Variants in CNTNAP2 observed in about 807,000 individuals in gnomAD.
CNTNAP2 encodes contactin associated protein 2.
Under a neutral mutation model 155.2 loss-of-function variants are expected in CNTNAP2, and 98 were observed. The ratio of observed to expected loss-of-function variants is 0.63; its 90% confidence interval spans 0.54 to 0.75. The LOEUF (loss-of-function observed/expected upper bound fraction) is 0.75, where lower values mean the gene tolerates loss of function less well. Ranked by LOEUF, CNTNAP2 falls within the 30% of genes least tolerant of loss-of-function variation. The probability of loss-of-function intolerance (pLI) is 0.00; values close to 1 mark genes in which losing one functional copy is unlikely to be tolerated. For synonymous variants in CNTNAP2, 651 were observed against 631.2 expected, an observed-to-expected ratio of 1.03 and a Z score of -0.47; for missense variants, 1,727 against 1,688.1, an observed-to-expected ratio of 1.02 and a Z score of -0.40.
At chr7:146,620,281 CA>C (rs935560367) in intron 1 of CNTNAP2, among the ~76,000 whole-genome samples, 1 of 152,134 alleles carries the variant, frequency 6.6e-6, no homozygotes, top group African/African-American at 2.4e-5. Context: ...CCAAGACATA[CA>C]ATCTCATCGT....
chr7:147,571,579 A>G (rs1261036300), intron 12 of CNTNAP2, among the ~76,000 whole-genome samples: 4 of 151,990 alleles, frequency 2.6e-5, no homozygotes, highest in Non-Finnish European at 4.4e-5. Flanking sequence ...ATGCAACAGG[A>G]TTGAATGGAA....
intron 20 of CNTNAP2, among the ~76,000 whole-genome samples, chr7:148,258,980 A>G (rs893244798): frequency 6.6e-6 from 1 of 151,816 alleles, no homozygotes; most frequent in Non-Finnish European, 1.5e-5. Context: ...GTTCAAGACC[A>G]GCCTGGCCAA....
intron 14 of CNTNAP2, among the ~76,000 whole-genome samples, chr7:147,968,556 G>A (rs1427753069): frequency 6.6e-6 from 1 of 152,160 alleles, no homozygotes; most frequent in Non-Finnish European, 1.5e-5. Context: ...TGTGAACAGA[G>A]GGACCTGCCG....
At chr7:147,227,338 A>G (rs1379532613) in intron 8 of CNTNAP2, among the ~76,000 whole-genome samples, 1 of 152,166 alleles carries the variant, frequency 6.6e-6, no homozygotes, top group Admixed American at 6.5e-5. Flanking sequence ...GAAAAAAAAA[A>G]ATGTTGGCCT....
chr7:147,989,565 T>C (rs1227425628), intron 15 of CNTNAP2, among the ~76,000 whole-genome samples: 1 of 152,200 alleles, frequency 6.6e-6, no homozygotes, highest in Non-Finnish European at 1.5e-5. Flanking sequence ...CTGCTCCATG[T>C]TCCTGTCCCT....
chr7:146,453,954 T>G (rs13230980), intron 1 of CNTNAP2, among the ~76,000 whole-genome samples: 1 of 151,854 alleles, frequency 6.6e-6, no homozygotes, highest in Non-Finnish European at 1.5e-5. Flanking sequence ...AGGAGAAATG[T>G]TTGAAGAAAT....
chr7:148,381,718 T>G (rs1198994973), intron 21 of CNTNAP2: 1 of 152,252 alleles, frequency 6.6e-6, no homozygotes, highest in African/African-American at 2.4e-5. Context: ...AGTTTCTGGC[T>G]TGAGGGTGAG....
At chr7:148,168,218 AC>A (rs1475149110) in intron 17 of CNTNAP2, among the ~76,000 whole-genome samples, 4 of 151,966 alleles carry the variant, frequency 2.6e-5, no homozygotes. Context: ...CTGGGTATAT[AC>A]CCAAAGGATT....
intron 12 of CNTNAP2, among the ~76,000 whole-genome samples, chr7:147,607,079 CCTCA>C (rs1207468738): frequency 6.6e-6 from 1 of 152,152 alleles, no homozygotes; most frequent in African/African-American, 2.4e-5. Flanking sequence ...AGCTAATTAT[CCTCA>C]CTAAGGAAAG....
rs554344564 is a variant in CNTNAP2, at chr7:148,237,251, T to TA, written c.3381+7474dup. 2.0e-5 allele frequency among the ~76,000 whole-genome samples: 3 copies of TA among 152,308 alleles called. No individual in the cohort carries two copies. The South Asian group carries it at 6.2e-4, about 32-fold the overall frequency. On this transcript the variant is annotated intron_variant, in intron 20 of 23. Transcript: ENST00000361727. ...AATACAAATAACTTTCTTTCCCACA[T>TA]AATAGTAAAATGATTTCTAGTTGGA...
chr7:147,107,673 A>C (rs749846766), intron 4 of CNTNAP2, among the ~76,000 whole-genome samples: 6 of 152,204 alleles, frequency 3.9e-5, no homozygotes, highest in Non-Finnish European at 8.8e-5. Flanking sequence ...ATTTAAAAAA[A>C]AGAGAATAGC....
chr7:146,420,496 GATGAAA>G (rs1276993156), intron 1 of CNTNAP2, among the ~76,000 whole-genome samples: 2 of 151,942 alleles, frequency 1.3e-5, no homozygotes, highest in Non-Finnish European at 2.9e-5. Flanking sequence ...CTATTATTGA[GATGAAA>G]ATATTTCTAA....
At chr7:147,305,958 TCA>T (rs1563153735) in intron 9 of CNTNAP2, among the ~76,000 whole-genome samples, 1 of 152,100 alleles carries the variant, frequency 6.6e-6, no homozygotes, top group African/African-American at 2.4e-5. Flanking sequence ...GCCTCCATCT[TCA>T]CATAGTCTCC....
rs755580411 is a variant in CNTNAP2, at chr7:148,416,974, C to G, written c.*1358C>G. 1 of 152,144 alleles carries G rather than the reference C, an allele frequency of 6.6e-6. No homozygotes were observed. Among genetic ancestry groups the G allele is most frequent in the Non-Finnish European group, 1.5e-5 (1 of 68,014 alleles). 9.4% of individuals were successfully genotyped at this position (152,144 alleles called of 1,614,324 possible). ...TTAAAAGTAATACACTTCCTGTAAA[C>G]AAATGGGGACAATGCATCCAAAAAA... On this transcript the variant is annotated 3_prime_UTR_variant, in exon 24 of 24. Coordinates refer to ENST00000361727, the MANE Select transcript of CNTNAP2 (RefSeq NM_014141.6).
At chr7:148,019,077 A>G (rs1802231440) in intron 15 of CNTNAP2, among the ~76,000 whole-genome samples, 1 of 152,198 alleles carries the variant, frequency 6.6e-6, no homozygotes, top group African/African-American at 2.4e-5. Context: ...ACAGTCAGCT[A>G]TAGAGTTCAG....
chr7:148,283,316 G>A (rs11489447), intron 21 of CNTNAP2, among the ~76,000 whole-genome samples: 31,213 of 72,052 alleles, frequency 0.43, 6,353 homozygotes, highest in East Asian at 0.58. Context: ...AGGAAGGAAG[G>A]AAGGAAAGAA....
chr7:147,273,126 C>A (rs1804797312), intron 8 of CNTNAP2, among the ~76,000 whole-genome samples: 1 of 152,096 alleles, frequency 6.6e-6, no homozygotes, highest in Non-Finnish European at 1.5e-5. Flanking sequence ...CTGGCCCACT[C>A]CCAGCCTGCA....
At chr7:146,596,128 C>A (rs887489645) in intron 1 of CNTNAP2, among the ~76,000 whole-genome samples, 1 of 151,992 alleles carries the variant, frequency 6.6e-6, no homozygotes, top group African/African-American at 2.4e-5. Context: ...ACATCTATAA[C>A]TAATAATCAT....
At chr7:146,503,716 G>C (rs1165999396) in intron 1 of CNTNAP2, among the ~76,000 whole-genome samples, 3 of 152,078 alleles carry the variant, frequency 2.0e-5, no homozygotes, top group African/African-American at 7.2e-5. Context: ...GTGTGTTCTT[G>C]GTGCCTTTGT....
Sources: gnomAD v4.1 joint callset for allele counts (sites outside exome capture counted in the v4.1 genomes callset) on GRCh38, gnomAD v4.1.1 for gene constraint, MANE v1.5 for transcripts, NCBI Gene and HGNC (gene_info 2026-07-23, HGNC 2026-07-21) for gene names.